NOS3: variants seen among roughly 807,000 people sequenced by gnomAD.
NOS3 encodes the protein NOS type III.
In NOS3, 98 loss-of-function variants were observed where a neutral mutation model predicts 144.9. The ratio of observed to expected loss-of-function variants is 0.68; its 90% confidence interval spans 0.57 to 0.80. NOS3 has a LOEUF of 0.80. Ranked by LOEUF, NOS3 falls within the 30% of genes least tolerant of loss-of-function variation. The probability of loss-of-function intolerance (pLI) is 0.00; values close to 1 mark genes in which losing one functional copy is unlikely to be tolerated. For missense variants in NOS3, 1,465 were observed against 1,656.4 expected (o/e 0.88, Z 2.01); for synonymous variants, 714 against 702.4 (o/e 1.02, Z -0.26).
Position 151,009,295 on chromosome 7 carries a change from C to A in NOS3, c.2324+28C>A, listed in dbSNP as rs753482. On this transcript the variant is annotated intron_variant, in intron 19 of 26. Coordinates refer to ENST00000297494, the MANE Select transcript of NOS3 (RefSeq NM_000603.5). ...GAGGACGACGGCTTTACCGCCCCCC[C>A]ACCCCTGTCCTGAACACCCTGACCC... 1,225,086 of 1,536,942 alleles carry A rather than the reference C, an allele frequency of 0.8. 489,443 individuals are homozygous for A. The highest frequency in any genetic ancestry group is 0.97 in the East Asian group (41,132 of 42,492).
chr7:151,005,683 C>T (rs1357179097), intron 14 of NOS3, among the ~76,000 whole-genome samples: 1 of 152,194 alleles, frequency 6.6e-6, no homozygotes, highest in Non-Finnish European at 1.5e-5. Flanking sequence ...GCAAGGCACA[C>T]GTACAAGGGC....
Position 150,999,009 on chromosome 7 carries a change from C to T in NOS3, c.880C>T (p.Gln294Ter). 6.2e-7 allele frequency: 1 copy of T among 1,612,606 alleles called. No individual in the cohort carries two copies. The highest frequency in any genetic ancestry group is 8.5e-7 in the Non-Finnish European group (1 of 1,179,890). Residue 294 changes from glutamine to a stop codon, truncating the protein, a stop_gained, in exon 8 of 27, where the codon CAG becomes TAG. Transcript: ENST00000297494. LOFTEE classifies it high-confidence loss of function. ...GRFDVLPLLL[Q>*]APDDPPELFL... is the part of the protein sequence containing the mutation. ...CTTCGACGTGCTGCCCCTGCTGCTG[C>T]AGGCCCCAGATGATCCCCCAGAACT...
intron 23 of NOS3, chr7:151,011,820 G>T: frequency 4.5e-6 from 2 of 442,812 alleles, no homozygotes; most frequent in South Asian, 3.2e-5. Context: ...CACCGCGCCC[G>T]GACCGAGGGT....
chr7:151,006,043 G>A lies in NOS3; in HGVS notation c.1753-384G>A, dbSNP rs3918189. 5.9e-3 allele frequency among the ~76,000 whole-genome samples: 903 copies of A among 152,176 alleles called. 13 individuals carry two copies. Among genetic ancestry groups the A allele is most frequent in the African/African-American group, 0.021 (852 of 41,506 alleles). The stretch of plus-strand genomic sequence containing the variant: ...ATCTAAAAACAATACTACTACTTAC[G>A]TCAATATTGTTGTATTGACCTGGAG... On this transcript the variant is annotated intron_variant, in intron 14 of 26. Coordinates refer to ENST00000297494, the MANE Select transcript of NOS3 (RefSeq NM_000603.5).
chr7:151,009,196 C>T lies in NOS3; in HGVS notation c.2253C>T (p.Ile751=), dbSNP rs987605987. 6.2e-7 allele frequency: 1 copy of T among 1,613,696 alleles called. No individual in the cohort carries two copies. Residue 751 remains isoleucine, a synonymous_variant, in exon 19 of 27, where the codon ATC becomes ATT. Transcript: ENST00000297494. ...GCCCCTCCCCGCCCCCAGGTCTGAT[C>T]CACGTGCACAGGCGGAAGATGTTCC... ...AEGLQLLPGL[I]HVHRRKMFQA...
chr7:151,012,203 G>A (rs3918236), intron 23 of NOS3, 148 bp from the exon 24 acceptor site: 1 of 638,156 alleles, frequency 1.6e-6, no homozygotes, highest in Non-Finnish European at 2.6e-6. Context: ...GTTTCAGCAA[G>A]TAGAGTTGTT....
At chr7:150,997,505 C>T (rs558819207) in intron 5 of NOS3, among the ~76,000 whole-genome samples, 102 of 152,260 alleles carry the variant, frequency 6.7e-4, no homozygotes, top group African/African-American at 2.3e-3. Context: ...CCCACAGACT[C>T]GGGGCTGGCC....
intron 9 of NOS3, 126 bp from the exon 10 acceptor site, chr7:151,000,372 A>G: frequency 1.5e-6 from 1 of 664,972 alleles, no homozygotes. Flanking sequence ...CTAGGCAGCC[A>G]GGCCTCCCAA....
At chr7:150,997,016 G>A in intron 5 of NOS3, 91 bp downstream of exon 5, 1 of 1,402,992 alleles carries the variant, frequency 7.1e-7, no homozygotes, top group Non-Finnish European at 9.5e-7. Flanking sequence ...GGGGCTGGGA[G>A]GTCCCAAACT....
rs2853796 is a variant in NOS3, at chr7:151,006,827, G to C, written c.1821-62G>C. 6 of 1,338,756 alleles carry C rather than the reference G, an allele frequency of 4.5e-6. No homozygotes were observed. The South Asian group carries it at 5.9e-5, about 13-fold the overall frequency. The allele number at this position is 1,338,756 out of a possible 1,614,324, so 82.9% of individuals were successfully genotyped here. A position where few individuals can be genotyped will look rare whatever the true frequency, so the allele number is the denominator to read the frequency against. ...CCCTGAAGCCGTCCCTGGGGCTGGG[G>C]CTGGGCCTAGCCTGTATCCCCAGGG... On this transcript the variant is annotated intron_variant, in intron 15 of 26. Transcript: ENST00000297494.
chr7:151,005,552 G>A (rs1338565784), intron 14 of NOS3, among the ~76,000 whole-genome samples: 1 of 152,204 alleles, frequency 6.6e-6, no homozygotes, highest in Non-Finnish European at 1.5e-5. Context: ...TTGTTAGCCA[G>A]GAGTGAGGAA....
In NOS3 at chr7:151,009,389, C is replaced by T; in HGVS notation, c.2325-9C>T. On this transcript the variant is annotated splice_polypyrimidine_tract_variant and intron_variant, in intron 19 of 26. Transcript: ENST00000297494. ...GACTCCCCATAAGTGCCCCTCTCCC[C>T]ACCCCCAGGAGGGCCACCATCCTGG... The T allele has an allele frequency of 6.7e-7, 1 of 1,488,984 alleles. No homozygotes were observed. The allele number at this position is 1,488,984 out of a possible 1,614,324, so 92.2% of individuals were successfully genotyped here. A position where few individuals can be genotyped will look rare whatever the true frequency, so the allele number is the denominator to read the frequency against.
Position 150,999,125 on chromosome 7 carries a change from C to T in NOS3, c.956+40C>T, listed in dbSNP as rs769545643. ...GATTGACTGGGTGGGATGGAGGGGG[C>T]CATCCCTGAGCCTCTCAAGAAGGGC... is the stretch of plus-strand genomic sequence containing the variant. On this transcript the variant is annotated intron_variant, in intron 8 of 26. Coordinates refer to ENST00000297494, the MANE Select transcript of NOS3 (RefSeq NM_000603.5). 4.3e-6 allele frequency: 7 copies of T among 1,612,290 alleles called. No homozygotes were observed. In the Admixed American group the frequency reaches 5.0e-5, roughly 12 times the overall value.
chr7:151,012,504 G>T, intron 24 of NOS3, 32 bp downstream of exon 24: 1 of 1,600,862 alleles, frequency 6.2e-7, no homozygotes. Context: ...CTGCCTGAAG[G>T]GAGTCACACA....
Position 151,003,504 on chromosome 7 carries a change from TA to T in NOS3, c.1752+1201del. ...GTCCGTTTCAGCCCTCATTCTGACC[TA>T]CCTTTTCAAGAAAAATAGCACCAGC... On this transcript the variant is annotated intron_variant, in intron 14 of 26. Transcript: ENST00000297494. The surrounding 1 kb of genome is among the most constrained non-coding windows in gnomAD (Gnocchi z 4.1). The T allele has an allele frequency of 8.0e-7, 1 of 1,252,930 alleles. No individual in the cohort carries two copies. The highest frequency in any genetic ancestry group is 1.5e-5 in the African/African-American group (1 of 64,518). 77.6% of individuals were successfully genotyped at this position (1,252,930 alleles called of 1,614,324 possible).
chr7:150,998,052 G>A lies in NOS3; in HGVS notation c.583-305G>A, dbSNP rs753548484. On this transcript the variant is annotated intron_variant, in intron 5 of 26. Coordinates refer to ENST00000297494, the MANE Select transcript of NOS3 (RefSeq NM_000603.5). This position sits in a 1 kb window ranked among gnomAD's most constrained non-coding sequence, Gnocchi z 5.0. ...CTCCTAGGCGGCCTCTTAGACATCC[G>A]TTGGTGCCTAACCCAAGCATCAGTT... Among the ~76,000 whole-genome samples the A allele has an allele frequency of 2.0e-4, 31 of 152,206 alleles. No individual in the cohort carries two copies. The highest frequency in any genetic ancestry group is 6.2e-4 in the South Asian group (3 of 4,836).
chr7:151,008,839 A>C, intron 17 of NOS3, 91 bp from the exon 18 acceptor site: 1 of 1,414,300 alleles, frequency 7.1e-7, no homozygotes, highest in Non-Finnish European at 9.4e-7. Context: ...CCAACCCCCC[A>C]GGAGCAAGAC....
rs759884316 is a variant in NOS3 at position 150,998,313 on chromosome 7, G to A, written c.583-44G>A. On this transcript the variant is annotated intron_variant, in intron 5 of 26. Coordinates refer to ENST00000297494, the MANE Select transcript of NOS3 (RefSeq NM_000603.5). The surrounding 1 kb of genome is among the most constrained non-coding windows in gnomAD (Gnocchi z 5.0). ...CTGGAGCTGATACTCAAGACCCCCCGTCTCTCTCCTCACCCTCCTCTCCCG... is the reference window on the plus strand; with the variant it reads ...CTGGAGCTGATACTCAAGACCCCCCATCTCTCTCCTCACCCTCCTCTCCCG... 74 of 1,567,142 alleles carry A rather than the reference G, an allele frequency of 4.7e-5. No homozygotes were observed. Among genetic ancestry groups the A allele is most frequent in the Middle Eastern group, 1.7e-4 (1 of 6,008 alleles).
intron 23 of NOS3, among the ~76,000 whole-genome samples, chr7:151,011,529 G>A (rs1584912944): frequency 7.1e-6 from 1 of 141,282 alleles, no homozygotes; most frequent in Non-Finnish European, 1.5e-5. Flanking sequence ...CTCCTATGGC[G>A]TGAACCTGGG....
Sources: allele counts gnomAD v4.1 joint callset (sites outside exome capture counted in the v4.1 genomes callset), GRCh38; gene constraint gnomAD v4.1.1; non-coding constraint Gnocchi (gnomAD v3.1); transcripts MANE v1.5; gene names NCBI Gene and HGNC (gene_info 2026-07-23, HGNC 2026-07-21).